DLGAP2: variants seen among roughly 807,000 people sequenced by gnomAD.
DLGAP2 encodes the protein DLG associated protein 2, also known as disks large-associated protein 2.
A neutral mutation model predicts 100.3 loss-of-function variants in DLGAP2; 26 were observed. The observed-to-expected ratio is 0.26, with a 90% CI of 0.19 to 0.36. The LOEUF is 0.36. Among genes scored for constraint, DLGAP2 ranks in the 10% least tolerant of loss-of-function variants. The pLI, the probability that DLGAP2 is intolerant of heterozygous loss-of-function variation, is 1.00. For synonymous variants in DLGAP2, 886 were observed against 630.1 expected, an observed-to-expected ratio of 1.41 and a Z score of -6.08; for missense variants, 1,858 against 1,453.2, an observed-to-expected ratio of 1.28 and a Z score of -4.53.
At chr8:1,278,713 A>C (rs1289447849) in intron 3 of DLGAP2, among the ~76,000 whole-genome samples, 1 of 152,220 alleles carries the variant, frequency 6.6e-6, no homozygotes, top group Non-Finnish European at 1.5e-5. Context: ...AGGCATAGGC[A>C]ATTATAACTG....
chr8:785,379 C>T (rs1246773709), intron 1 of DLGAP2, among the ~76,000 whole-genome samples: 1 of 150,490 alleles, frequency 6.6e-6, no homozygotes, highest in African/African-American at 2.4e-5. Context: ...GCACCTCATG[C>T]CCCTCTGAGA....
chr8:969,705 C>T (rs905265795), intron 2 of DLGAP2, among the ~76,000 whole-genome samples: 3 of 152,096 alleles, frequency 2.0e-5, no homozygotes, highest in African/African-American at 2.4e-5. Context: ...GCAAACCTCC[C>T]CTCAGCTCCC....
At chr8:1,576,548 G>A (rs190641706) in intron 6 of DLGAP2, among the ~76,000 whole-genome samples, 5 of 152,146 alleles carry the variant, frequency 3.3e-5, no homozygotes, top group Non-Finnish European at 7.3e-5. Context: ...TTGCCCATGC[G>A]TATGTCCTGA....
chr8:1,566,978 T>C (rs908840920), intron 6 of DLGAP2, among the ~76,000 whole-genome samples: 1 of 152,222 alleles, frequency 6.6e-6, no homozygotes, highest in Non-Finnish European at 1.5e-5. Flanking sequence ...CCCAGGCCCA[T>C]CCATCTCCTC....
intron 12 of DLGAP2, among the ~76,000 whole-genome samples, chr8:1,691,192 G>A (rs182388582): frequency 2.0e-5 from 3 of 152,288 alleles, no homozygotes; most frequent in Admixed American, 6.5e-5. Context: ...TCACTCACAC[G>A]TGTTCTTGTG....
At chr8:1,238,385 A>G (rs71512881) in intron 2 of DLGAP2, among the ~76,000 whole-genome samples, 21,170 of 23,192 alleles carry the variant, frequency 0.91, 9,907 homozygotes, top group Middle Eastern at 1. Flanking sequence ...GCCGTGTCTA[A>G]TTCTCTCACA....
Position 1,549,443 on chromosome 8 carries a change from G to T in DLGAP2, c.990G>T (p.Ala330=). Residue 330 remains alanine (A), a synonymous_variant, in exon 5 of 15, where the codon GCG becomes GCT. Transcript: ENST00000637795. ...LGPVAHCYPD[A]LQSPFGDLSL... Reference sequence around the variant, plus strand: ...CCGTGGCCCACTGCTACCCCGACGCGCTGCAGAGCCCCTTCGGGGACCTGT... The same window carrying T: ...CCGTGGCCCACTGCTACCCCGACGCTCTGCAGAGCCCCTTCGGGGACCTGT... 1.9e-6 allele frequency: 3 copies of T among 1,613,444 alleles called. No individual in the cohort carries two copies. The highest frequency in any genetic ancestry group is 1.3e-5 in the African/African-American group (1 of 75,066).
At chr8:801,107 C>A (rs1055793463) in intron 1 of DLGAP2, among the ~76,000 whole-genome samples, 1 of 152,252 alleles carries the variant, frequency 6.6e-6, no homozygotes, top group African/African-American at 2.4e-5. Context: ...ACAGATCCCA[C>A]TGCATGATCG....
chr8:1,628,369 C>T (rs1396679047), intron 7 of DLGAP2, among the ~76,000 whole-genome samples: 1 of 143,582 alleles, frequency 7.0e-6, no homozygotes, highest in Non-Finnish European at 1.5e-5. Context: ...AGAGCTTGAG[C>T]CAACCTCACA....
intron 2 of DLGAP2, among the ~76,000 whole-genome samples, chr8:1,050,168 G>A (rs2167506): frequency 0.074 from 11,263 of 152,302 alleles, 677 homozygotes; most frequent in East Asian, 0.15. Flanking sequence ...AACTTTGTAT[G>A]CCTACAGTTT....
chr8:1,670,583 T>G (rs574568703), intron 10 of DLGAP2, among the ~76,000 whole-genome samples: 1 of 152,274 alleles, frequency 6.6e-6, no homozygotes, highest in Admixed American at 6.5e-5. Context: ...TCAGTAAATG[T>G]TGGGTAAGCG....
intron 2 of DLGAP2, among the ~76,000 whole-genome samples, chr8:966,662 T>C (rs947942459): frequency 1.1e-4 from 16 of 152,214 alleles, no homozygotes; most frequent in African/African-American, 3.6e-4. Flanking sequence ...ATGGGTGTTA[T>C]CTTTTATCCT....
chr8:1,117,745 C>T (rs1257245166), intron 2 of DLGAP2, among the ~76,000 whole-genome samples: 1 of 152,134 alleles, frequency 6.6e-6, no homozygotes, highest in Non-Finnish European at 1.5e-5. Context: ...TTGTAAGACA[C>T]CCCCAGGGGG....
At chr8:1,142,164 T>C (rs1420544936) in intron 2 of DLGAP2, among the ~76,000 whole-genome samples, 1 of 152,158 alleles carries the variant, frequency 6.6e-6, no homozygotes, top group Non-Finnish European at 1.5e-5. Context: ...TTTAAGGATT[T>C]GAAGATCTTT....
At chr8:1,100,480 T>C (rs1804542015) in intron 2 of DLGAP2, among the ~76,000 whole-genome samples, 1 of 152,106 alleles carries the variant, frequency 6.6e-6, no homozygotes. Flanking sequence ...ACAATGTGTG[T>C]AGGGAAAAAC....
chr8:1,547,019 C>T (rs569200762), intron 4 of DLGAP2, among the ~76,000 whole-genome samples: 64 of 152,196 alleles, frequency 4.2e-4, no homozygotes, highest in African/African-American at 8.4e-4. Flanking sequence ...ACAGCAAGGC[C>T]GAGTGGTGTG....
intron 1 of DLGAP2, among the ~76,000 whole-genome samples, chr8:801,565 TG>T (rs1332021358): frequency 7.2e-5 from 11 of 152,326 alleles, no homozygotes; most frequent in African/African-American, 1.9e-4. Context: ...GCCTTAGCCC[TG>T]GGTCTTTCCT....
chr8:1,468,377 A>C (rs1212512595), intron 3 of DLGAP2, among the ~76,000 whole-genome samples: 1 of 146,818 alleles, frequency 6.8e-6, no homozygotes, highest in Non-Finnish European at 1.5e-5. Context: ...GCCTCAGTCC[A>C]TTCTGAGAAC....
At chr8:1,694,302 A>G (rs1799324392) in intron 13 of DLGAP2, among the ~76,000 whole-genome samples, 1 of 152,216 alleles carries the variant, frequency 6.6e-6, no homozygotes, top group Non-Finnish European at 1.5e-5. Context: ...CGCTCATCAA[A>G]GCCAAATGGT....
Sources: allele counts gnomAD v4.1 joint callset (sites outside exome capture counted in the v4.1 genomes callset), GRCh38; gene constraint gnomAD v4.1.1; transcripts MANE v1.5; gene names NCBI Gene and HGNC (gene_info 2026-07-23, HGNC 2026-07-21).